Variants in DPYSL2 observed in about 807,000 individuals in gnomAD.
The protein encoded by DPYSL2 is dihydropyrimidinase-related protein 2.
Under a neutral mutation model 69.9 loss-of-function variants are expected in DPYSL2, and 13 were observed. The observed-to-expected ratio is 0.19, with a 90% CI of 0.12 to 0.30. The LOEUF (loss-of-function observed/expected upper bound fraction) is 0.30. DPYSL2 is among the 10% of genes least tolerant of loss of function. The probability of loss-of-function intolerance (pLI) is 1.00; values close to 1 mark genes in which losing one functional copy is unlikely to be tolerated. For synonymous variants in DPYSL2, 326 were observed against 359.1 expected (o/e 0.91, Z 1.04); for missense variants, 587 against 918.9 (o/e 0.64, Z 4.67).
intron 3 of DPYSL2, among the ~76,000 whole-genome samples, chr8:26,622,639 A>T (rs935873758): frequency 3.9e-5 from 6 of 152,100 alleles, no homozygotes; most frequent in African/African-American, 1.4e-4. Flanking sequence ...AGTAGCTGGG[A>T]CTACAGGCAT....
rs112899484 is a variant in DPYSL2 at position 26,626,545 on chromosome 8, C to T, written c.794-72C>T. The T allele has an allele frequency of 4.7e-3, 6,390 of 1,368,278 alleles. 180 individuals are homozygous for T. The African/African-American group carries it at 0.07, about 15-fold the overall frequency. The allele number at this position is 1,368,278 out of a possible 1,614,324, so 84.8% of individuals were successfully genotyped here. A position where few individuals can be genotyped will look rare whatever the true frequency, so the allele number is the denominator to read the frequency against. ...CACGTACACACACAGACAGTATTATCACTTTCTTATCCCTTATTTGGTTAT... is the reference window on the plus strand; with the variant it reads ...CACGTACACACACAGACAGTATTATTACTTTCTTATCCCTTATTTGGTTAT... On this transcript the variant is annotated intron_variant, in intron 4 of 13. Transcript: ENST00000521913. This position sits in a 1 kb window ranked among gnomAD's most constrained non-coding sequence, Gnocchi z 4.3.
chr8:26,592,236 A>G (rs376649462), intron 3 of DPYSL2, among the ~76,000 whole-genome samples: 1 of 152,178 alleles, frequency 6.6e-6, no homozygotes, highest in East Asian at 1.9e-4. Flanking sequence ...ATCATAGCTC[A>G]CTGCGGCTTT....
At position 26,634,745 on chromosome 8, in the gene DPYSL2, G is replaced by A. The variant is rs369582807; in HGVS notation, c.1006-35G>A. 4.3e-5 allele frequency: 70 copies of A among 1,613,102 alleles called. No homozygotes were observed. In the African/African-American group the frequency reaches 7.1e-4, roughly 16 times the overall value. ...AAGGTAGCGGCTCGTGGGGTGGGCT[G>A]AGCCACATTCTCATGCTCTGCTGCT... On this transcript the variant is annotated intron_variant, in intron 7 of 13. Transcript: ENST00000521913.
chr8:26,529,728 A>ATTTT (rs71216757), intron 1 of DPYSL2, among the ~76,000 whole-genome samples: 68 of 135,462 alleles, frequency 5.0e-4, no homozygotes, highest in South Asian at 4.0e-3. Flanking sequence ...TTTAACCGTA[A>ATTTT]TTTTTTTTTT....
chr8:26,525,001 G>A (rs1196608896), intron 1 of DPYSL2, among the ~76,000 whole-genome samples: 1 of 151,906 alleles, frequency 6.6e-6, no homozygotes, highest in Non-Finnish European at 1.5e-5. Context: ...ATGTTAAAAT[G>A]TATTCATTTT....
Position 26,610,637 on chromosome 8 carries a change from C to A in DPYSL2, c.629-13506C>A, listed in dbSNP as rs1381366681. ...CCCACGCCCTGTTCCTCATTGGAATCCTCTGTCCTAGCCTATCCCCCCTGC... is the reference window on the plus strand; with the variant it reads ...CCCACGCCCTGTTCCTCATTGGAATACTCTGTCCTAGCCTATCCCCCCTGC... On this transcript the variant is annotated intron_variant, in intron 3 of 13. Coordinates refer to ENST00000521913, the MANE Select transcript of DPYSL2 (RefSeq NM_001197293.3). This position sits in a 1 kb window ranked among gnomAD's most constrained non-coding sequence, Gnocchi z 4.5. Among the ~76,000 whole-genome samples the A allele has an allele frequency of 5.3e-5, 8 of 152,106 alleles. No individual in the cohort carries two copies. The highest frequency in any genetic ancestry group is 2.1e-4 in the South Asian group (1 of 4,828).
rs1450541296 is a variant in DPYSL2, at chr8:26,619,479, A to G, written c.629-4664A>G. ...TGGGATTGCAGCCAGGGAACATGCT[A>G]TTTTTTGTAAGTGATGATGCTGTTG... On this transcript the variant is annotated intron_variant, in intron 3 of 13. Transcript: ENST00000521913. The surrounding 1 kb of genome is among the most constrained non-coding windows in gnomAD (Gnocchi z 4.8). 2.0e-5 allele frequency: 3 copies of G among 152,136 alleles called. No individual in the cohort carries two copies. The highest frequency in any genetic ancestry group is 2.9e-5 in the Non-Finnish European group (2 of 68,034). 9.4% of individuals were successfully genotyped at this position (152,136 alleles called of 1,614,324 possible).
chr8:26,561,556 C>T (rs1801071485), intron 1 of DPYSL2, among the ~76,000 whole-genome samples: 1 of 151,910 alleles, frequency 6.6e-6, no homozygotes, highest in African/African-American at 2.4e-5. Flanking sequence ...CATAATCCCA[C>T]ACCCCCACTT....
At position 26,552,786 on chromosome 8, in the gene DPYSL2, G is replaced by A. The variant is rs560771536; in HGVS notation, c.355-29183G>A. On this transcript the variant is annotated intron_variant, in intron 1 of 13. Coordinates refer to ENST00000521913, the MANE Select transcript of DPYSL2 (RefSeq NM_001197293.3). ...TCTGTGAATGAATTAATCCATTCAT[G>A]AGTGCAGAGCCCTCATGACCCAGTC... is the stretch of plus-strand genomic sequence containing the variant. Among the ~76,000 whole-genome samples the A allele has an allele frequency of 3.3e-5, 5 of 152,288 alleles. No homozygotes were observed. The South Asian group carries it at 1.0e-3, about 32-fold the overall frequency.
At position 26,620,522 on chromosome 8, in the gene DPYSL2, A is replaced by G. The variant is rs1802457098; in HGVS notation, c.629-3621A>G. ...CTTTTGCCACCAGATATTAAAATGTATCAAAAAGCTGCTCTATTTAGTACT... is the reference window on the plus strand; with the variant it reads ...CTTTTGCCACCAGATATTAAAATGTGTCAAAAAGCTGCTCTATTTAGTACT... On this transcript the variant is annotated intron_variant, in intron 3 of 13. Transcript: ENST00000521913. The surrounding 1 kb of genome is among the most constrained non-coding windows in gnomAD (Gnocchi z 4.5). Among the ~76,000 whole-genome samples the G allele has an allele frequency of 6.6e-6, 1 of 152,172 alleles. No homozygotes were observed. Among genetic ancestry groups the G allele is most frequent in the East Asian group, 1.9e-4 (1 of 5,182 alleles).
intron 1 of DPYSL2, chr8:26,547,850 A>G (rs946572526): frequency 5.8e-6 from 2 of 346,618 alleles, no homozygotes; most frequent in African/African-American, 4.2e-5. Context: ...CAGCTCTTGC[A>G]AAAGGAGTCC....
intron 13 of DPYSL2, 63 bp from the exon 14 acceptor site, chr8:26,655,552 A>T: frequency 2.1e-6 from 3 of 1,400,238 alleles, no homozygotes; most frequent in Non-Finnish European, 2.9e-6. Context: ...TTTCACCTTC[A>T]AGCAGGATCT....
At chr8:26,628,003 G>A in intron 7 of DPYSL2, 63 bp downstream of exon 7, 2 of 1,532,448 alleles carry the variant, frequency 1.3e-6, no homozygotes, top group Admixed American at 1.8e-5. Context: ...AGAGCCTCAG[G>A]GAACCTGCTT....
intron 1 of DPYSL2, among the ~76,000 whole-genome samples, chr8:26,559,190 G>A (rs866772794): frequency 6.6e-6 from 1 of 152,076 alleles, no homozygotes; most frequent in Non-Finnish European, 1.5e-5. Context: ...CAACCCACTC[G>A]CCTCCGCCTC....
Position 26,514,552 on chromosome 8 carries a change from C to G in DPYSL2, c.227C>G (p.Pro76Arg). The stretch of plus-strand genomic sequence containing the variant: ...CAGCGGGACGTCGCCCACTTGGGCC[C>G]GGACCCGCAGCCGCCGTACTCGCGG... ...AQQRDVAHLGPDPQPPYSRQG... is the reference protein window; with the variant it reads ...AQQRDVAHLGRDPQPPYSRQG... The change falls in exon 1 of 14, where the codon CCG becomes CGG. Residue 76 changes from proline to arginine, a missense_variant. Around this residue, in one of 3 missense-constraint regions of DPYSL2, gnomAD observed 85 missense variants for 77.7 expected, o/e 1.09. Coordinates refer to ENST00000521913, the MANE Select transcript of DPYSL2 (RefSeq NM_001197293.3). The surrounding 1 kb of genome is among the most constrained non-coding windows in gnomAD (Gnocchi z 8.4). 2 of 1,527,018 alleles carry G rather than the reference C, an allele frequency of 1.3e-6. No individual in the cohort carries two copies. Among genetic ancestry groups the G allele is most frequent in the South Asian group, 1.2e-5 (1 of 82,576 alleles). The allele number at this position is 1,527,018 out of a possible 1,614,324, so 94.6% of individuals were successfully genotyped here.
Position 26,627,826 on chromosome 8 carries a change from C to T in DPYSL2, c.937-46C>T. On this transcript the variant is annotated intron_variant, in intron 6 of 13. Coordinates refer to ENST00000521913, the MANE Select transcript of DPYSL2 (RefSeq NM_001197293.3). This position sits in a 1 kb window ranked among gnomAD's most constrained non-coding sequence, Gnocchi z 6.9. ...CCGGGCCTCTGCCATCAGAGCTGTG[C>T]AAAATCCACTCTCCCTCACAGCCTG... is the stretch of plus-strand genomic sequence containing the variant. The T allele has an allele frequency of 6.3e-7, 1 of 1,598,870 alleles. No homozygotes were observed. The highest frequency in any genetic ancestry group is 8.5e-7 in the Non-Finnish European group (1 of 1,170,646).
chr8:26,578,623 G>A (rs3779913), intron 1 of DPYSL2: 1 of 1,198,428 alleles, frequency 8.3e-7, no homozygotes, highest in African/African-American at 1.6e-5. Context: ...ATGCCAGATT[G>A]AATATGCATG....
At chr8:26,638,189 G>A (rs1372637993) in intron 8 of DPYSL2, among the ~76,000 whole-genome samples, 1 of 152,182 alleles carries the variant, frequency 6.6e-6, no homozygotes, top group Non-Finnish European at 1.5e-5. Flanking sequence ...TTAGCTCCTC[G>A]ACTTGCAGGG....
intron 3 of DPYSL2, among the ~76,000 whole-genome samples, chr8:26,595,367 A>G (rs1801835965): frequency 6.6e-6 from 1 of 152,066 alleles, no homozygotes; most frequent in African/African-American, 2.4e-5. Context: ...TTTCTTGACA[A>G]CACATCTGGC....
Sources: allele counts gnomAD v4.1 joint callset (sites outside exome capture counted in the v4.1 genomes callset), GRCh38; gene constraint gnomAD v4.1.1; regional missense constraint gnomAD v4.1.1; non-coding constraint Gnocchi (gnomAD v3.1); transcripts MANE v1.5; gene names NCBI Gene and HGNC (gene_info 2026-07-23, HGNC 2026-07-21).